EXOC6: variants seen among roughly 807,000 people sequenced by gnomAD.
The protein encoded by EXOC6 is exocyst complex component 6.
In EXOC6, 60 loss-of-function variants were observed where a neutral mutation model predicts 112.5. That is an observed-to-expected ratio of 0.53 (90% CI 0.43 to 0.66). The LOEUF is 0.66. EXOC6 is among the 30% of genes least tolerant of loss of function. The pLI is 0.00. For synonymous variants in EXOC6, 295 were observed against 308.0 expected (o/e 0.96, Z 0.44); for missense variants, 855 against 957.1 (o/e 0.89, Z 1.41).
intron 1 of EXOC6, among the ~76,000 whole-genome samples, chr10:92,874,035 A>G (rs1312721673): frequency 2.6e-5 from 4 of 151,714 alleles, no homozygotes; most frequent in Non-Finnish European, 4.4e-5. Context: ...CCTAGGCGAC[A>G]GAGCAAGACC....
intron 1 of EXOC6, among the ~76,000 whole-genome samples, chr10:92,870,108 C>T (rs574003635): frequency 3.3e-5 from 5 of 151,980 alleles, no homozygotes; most frequent in South Asian, 4.2e-4. Flanking sequence ...CCCACCACCA[C>T]GCCTGGCTAA....
At chr10:92,882,244 T>G (rs1849003865) in intron 1 of EXOC6, among the ~76,000 whole-genome samples, 1 of 152,212 alleles carries the variant, frequency 6.6e-6, no homozygotes, top group South Asian at 2.1e-4. Context: ...TTTTGTGCAT[T>G]TAAGATAAGG....
chr10:92,999,223 G>GTT (rs35698961), intron 19 of EXOC6: 3,539 of 343,334 alleles, frequency 0.01, no homozygotes, highest in South Asian at 0.015. Flanking sequence ...TTTTTTACAA[G>GTT]TTTTTTTTTT....
intron 18 of EXOC6, among the ~76,000 whole-genome samples, chr10:92,982,446 T>A (rs766126553): frequency 1.8e-4 from 2 of 11,390 alleles, no homozygotes; most frequent in African/African-American, 1.9e-3. Context: ...ACCATTTTTT[T>A]AAAAATGGTC....
At chr10:92,932,682 A>T (rs1197145717) in intron 9 of EXOC6, among the ~76,000 whole-genome samples, 1 of 152,184 alleles carries the variant, frequency 6.6e-6, no homozygotes, top group Non-Finnish European at 1.5e-5. Context: ...TCCTAAGGAT[A>T]TGCTTCAAAC....
At chr10:93,040,214 A>T (rs900520825) in intron 20 of EXOC6, among the ~76,000 whole-genome samples, 1 of 151,874 alleles carries the variant, frequency 6.6e-6, no homozygotes, top group Non-Finnish European at 1.5e-5. Context: ...ATTTTGTTTC[A>T]TTTTGTTTCA....
chr10:92,869,897 T>C (rs531239302), intron 1 of EXOC6, among the ~76,000 whole-genome samples: 1 of 151,908 alleles, frequency 6.6e-6, no homozygotes, highest in Admixed American at 6.6e-5. Context: ...TTCCTGACTT[T>C]AGCAGGGGAA....
intron 17 of EXOC6, among the ~76,000 whole-genome samples, chr10:92,958,523 C>A (rs920770734): frequency 1.3e-5 from 2 of 152,074 alleles, no homozygotes; most frequent in African/African-American, 2.4e-5. Context: ...TGTAGCAAAG[C>A]CTTTTAGGAT....
At chr10:92,915,532 G>A (rs570969283) in intron 6 of EXOC6, among the ~76,000 whole-genome samples, 1 of 147,768 alleles carries the variant, frequency 6.8e-6, no homozygotes, top group Non-Finnish European at 1.5e-5. Context: ...TGGTGCCACT[G>A]TACTCCAGCC....
At chr10:93,006,086 G>A (rs1261668754) in intron 19 of EXOC6, among the ~76,000 whole-genome samples, 1 of 152,208 alleles carries the variant, frequency 6.6e-6, no homozygotes, top group East Asian at 1.9e-4. Context: ...CTTGAGCCTG[G>A]AAGGTCAAGG....
intron 1 of EXOC6, among the ~76,000 whole-genome samples, chr10:92,882,383 A>C (rs535082126): frequency 6.6e-6 from 1 of 152,054 alleles, no homozygotes; most frequent in Admixed American, 6.6e-5. Flanking sequence ...ATCTCTACTA[A>C]AAATACAAAA....
At chr10:92,942,700 T>G (rs905618926) in intron 13 of EXOC6, among the ~76,000 whole-genome samples, 1 of 152,204 alleles carries the variant, frequency 6.6e-6, no homozygotes, top group African/African-American at 2.4e-5. Flanking sequence ...TAAAATCTTA[T>G]AGACTTGATG....
At chr10:92,976,927 T>C (rs558452311) in intron 18 of EXOC6, among the ~76,000 whole-genome samples, 1 of 152,192 alleles carries the variant, frequency 6.6e-6, no homozygotes, top group South Asian at 2.1e-4. Flanking sequence ...ACTAGAGATA[T>C]TATGGTGGGA....
chr10:92,870,246 G>A (rs1054254468), intron 1 of EXOC6, among the ~76,000 whole-genome samples: 5 of 151,918 alleles, frequency 3.3e-5, no homozygotes, highest in Admixed American at 1.3e-4. Flanking sequence ...GAGCCACCGC[G>A]TGCCACCCAG....
At chr10:93,042,320 A>G (rs995340358) in intron 20 of EXOC6, among the ~76,000 whole-genome samples, 1 of 152,234 alleles carries the variant, frequency 6.6e-6, no homozygotes, top group African/African-American at 2.4e-5. Flanking sequence ...CCCCCTAAGC[A>G]ATAATTGATG....
At chr10:93,008,197 T>C (rs2486689) in intron 19 of EXOC6, among the ~76,000 whole-genome samples, 97,175 of 152,038 alleles carry the variant, frequency 0.64, 33,868 homozygotes, top group East Asian at 0.99. Context: ...GAAAAGAAAA[T>C]TTGAAATCAT....
chr10:93,055,068 C>T (rs1237785093), intron 20 of EXOC6, among the ~76,000 whole-genome samples: 1 of 152,064 alleles, frequency 6.6e-6, no homozygotes, highest in Non-Finnish European at 1.5e-5. Flanking sequence ...ACTCTTAACT[C>T]CTGGGCTCAA....
intron 20 of EXOC6, among the ~76,000 whole-genome samples, chr10:93,048,278 TA>T (rs1846103013): frequency 1.3e-5 from 2 of 151,080 alleles, no homozygotes; most frequent in South Asian, 4.2e-4. Flanking sequence ...AAAAAAAATC[TA>T]AGTTACATTC....
At chr10:92,996,555 T>C (rs1843500455) in intron 18 of EXOC6, among the ~76,000 whole-genome samples, 1 of 150,730 alleles carries the variant, frequency 6.6e-6, no homozygotes, top group Non-Finnish European at 1.5e-5. Flanking sequence ...AGGCAGAGCT[T>C]GCAGTGAGCC....
Sources: allele counts gnomAD v4.1 joint callset (sites outside exome capture counted in the v4.1 genomes callset), GRCh38; gene constraint gnomAD v4.1.1; transcripts MANE v1.5; gene names NCBI Gene and HGNC (gene_info 2026-07-23, HGNC 2026-07-21).